GPR63: variants seen among roughly 807,000 people sequenced by gnomAD.
GPR63 encodes the protein G protein-coupled receptor 63, also known as probable G protein-coupled receptor 63.
Under a neutral mutation model 23.1 loss-of-function variants are expected in GPR63, and 12 were observed. The ratio of observed to expected loss-of-function variants is 0.52; its 90% confidence interval spans 0.33 to 0.84. The LOEUF (loss-of-function observed/expected upper bound fraction) is 0.84, where lower values mean the gene tolerates loss of function less well. Ranked by LOEUF, GPR63 falls within the 40% of genes least tolerant of loss-of-function variation. The probability of loss-of-function intolerance (pLI) is 0.02; values close to 1 mark genes in which losing one functional copy is unlikely to be tolerated. For missense variants in GPR63, 472 were observed against 515.6 expected (o/e 0.92, Z 0.82); for synonymous variants, 172 against 191.1 (o/e 0.90, Z 0.82).
intron 1 of GPR63, among the ~76,000 whole-genome samples, chr6:96,833,635 G>T (rs576802875): frequency 4.6e-4 from 70 of 152,236 alleles, no homozygotes; most frequent in South Asian, 1.2e-3. Context: ...AACATAGACT[G>T]AGCTAAGTCA....
rs531379810 is a variant in GPR63, at chr6:96,830,117, G to A, written c.-151+7151C>T. Among the ~76,000 whole-genome samples the A allele has an allele frequency of 1.2e-4, 18 of 152,262 alleles. 1 individual carries two copies. Among genetic ancestry groups the A allele is most frequent in the Admixed American group, 7.8e-4 (12 of 15,292 alleles). On this transcript the variant is annotated intron_variant, in intron 1 of 1. Transcript: ENST00000229955. ...GGCCAAAAATAACCACACAAAGAGG[G>A]TTGATAAAGCAAGAGTTGCCTCCAT...
At chr6:96,833,465 T>C (rs1041161872) in intron 1 of GPR63, among the ~76,000 whole-genome samples, 1 of 152,228 alleles carries the variant, frequency 6.6e-6, no homozygotes, top group African/African-American at 2.4e-5. Flanking sequence ...TTTTGTTTTA[T>C]ATTGTATAAA....
chr6:96,819,201 T>C (rs1774236210), intron 1 of GPR63, among the ~76,000 whole-genome samples: 1 of 152,208 alleles, frequency 6.6e-6, no homozygotes, highest in Admixed American at 6.5e-5. Context: ...ATTATTCTGC[T>C]ATAAAGACAC....
At chr6:96,814,277 G>A (rs901475888) in intron 1 of GPR63, among the ~76,000 whole-genome samples, 8 of 152,082 alleles carry the variant, frequency 5.3e-5, no homozygotes, top group Non-Finnish European at 1.0e-4. Context: ...GTAGAGCGAG[G>A]ATTGGAACTC....
chr6:96,831,383 C>T (rs1272390162), intron 1 of GPR63, among the ~76,000 whole-genome samples: 2 of 150,898 alleles, frequency 1.3e-5, no homozygotes, highest in Non-Finnish European at 2.9e-5. Context: ...ACTAGACAAT[C>T]AGGTCTGGGT....
rs192469876 is a variant in GPR63, at chr6:96,798,233, A to C, written c.*239T>G. 1.1e-4 allele frequency: 46 copies of C among 435,274 alleles called. No individual in the cohort carries two copies. The highest frequency in any genetic ancestry group is 8.3e-4 in the African/African-American group (42 of 50,764). The allele number at this position is 435,274 out of a possible 1,614,324, so 27.0% of individuals were successfully genotyped here. A position where few individuals can be genotyped will look rare whatever the true frequency, so the allele number is the denominator to read the frequency against. On this transcript the variant is annotated 3_prime_UTR_variant, in exon 2 of 2. Coordinates refer to ENST00000229955, the MANE Select transcript of GPR63 (RefSeq NM_030784.4). ...ATCAAGGAAAAACCCCAAAACCAAA[A>C]AAAAGTCTCCTCACCCTAAATTGAG... is the stretch of plus-strand genomic sequence containing the variant.
In GPR63 at chr6:96,798,988, G is replaced by C. The variant is rs763452682; in HGVS notation, c.744C>G (p.Leu248=). The C allele has an allele frequency of 2.5e-6, 4 of 1,614,166 alleles. No homozygotes were observed. In the South Asian group the frequency reaches 4.4e-5, roughly 18 times the overall value. ...CCAGGAAGGGTATGAAGAAAGAAATGAGAGAAATCAAAATCACATAAGCCT... is the reference window on the plus strand; with the variant it reads ...CCAGGAAGGGTATGAAGAAAGAAATCAGAGAAATCAAAATCACATAAGCCT... ...GYQAYVILIS[L]ISFFIPFLVI... The change falls in exon 2 of 2, where the codon CTC becomes CTG. Residue 248 remains leucine, a synonymous_variant. Transcript: ENST00000229955.
intron 1 of GPR63, among the ~76,000 whole-genome samples, chr6:96,800,927 C>T (rs1773746694): frequency 6.6e-6 from 1 of 152,200 alleles, no homozygotes; most frequent in Non-Finnish European, 1.5e-5. Flanking sequence ...TTTCTTATCA[C>T]CTTTCTCTTA....
In GPR63 at chr6:96,837,445, C is replaced by CGGCGGCGATAG. The variant is rs1562130487; in HGVS notation, c.-329_-328insCTATCGCCGCC. 4 of 153,866 alleles carry CGGCGGCGATAG rather than the reference C, an allele frequency of 2.6e-5. No individual in the cohort carries two copies. Among genetic ancestry groups the CGGCGGCGATAG allele is most frequent in the Non-Finnish European group, 4.3e-5 (3 of 69,034 alleles). The allele number at this position is 153,866 out of a possible 1,614,324, so 9.5% of individuals were successfully genotyped here. Reference sequence around the variant, plus strand: ...GGAGGTGGTGGCGGCGGCGGCGATACAGGCGGCGGTGGCGGGAGCTGGAGC... The same window carrying CGGCGGCGATAG: ...GGAGGTGGTGGCGGCGGCGGCGATACGGCGGCGATAGAGGCGGCGGTGGCGGGAGCTGGAGC... On this transcript the variant is annotated 5_prime_UTR_variant, in exon 1 of 2. Coordinates refer to ENST00000229955, the MANE Select transcript of GPR63 (RefSeq NM_030784.4).
Position 96,796,854 on chromosome 6 carries a change from A to C in GPR63, c.*1618T>G, listed in dbSNP as rs1773592128. The C allele has an allele frequency of 6.6e-6, 1 of 152,254 alleles. No individual in the cohort carries two copies. The highest frequency in any genetic ancestry group is 2.1e-4 in the South Asian group (1 of 4,838). The allele number at this position is 152,254 out of a possible 1,614,324, so 9.4% of individuals were successfully genotyped here. A position where few individuals can be genotyped will look rare whatever the true frequency, so the allele number is the denominator to read the frequency against. On this transcript the variant is annotated 3_prime_UTR_variant, in exon 2 of 2. Coordinates refer to ENST00000229955, the MANE Select transcript of GPR63 (RefSeq NM_030784.4). ...TTGTTTTGCAAATCAAAAACAAAAA[A>C]AAAAATCACTGGTTTTGCTTCACAG...
rs757641733 is a variant in GPR63, at chr6:96,795,637, G to A, written c.*2835C>T. On this transcript the variant is annotated 3_prime_UTR_variant, in exon 2 of 2. Transcript: ENST00000229955. ...AGGCACTCCAGAGCTCTCACCAAAT[G>A]AGGCACTGCCTATTAAGCAGCATGA... 1.2e-4 allele frequency: 18 copies of A among 152,086 alleles called. No individual in the cohort carries two copies. Among genetic ancestry groups the A allele is most frequent in the Non-Finnish European group, 1.9e-4 (13 of 68,026 alleles). The allele number at this position is 152,086 out of a possible 1,614,324, so 9.4% of individuals were successfully genotyped here.
intron 1 of GPR63, among the ~76,000 whole-genome samples, chr6:96,836,133 G>A (rs1774721642): frequency 6.6e-6 from 1 of 152,104 alleles, no homozygotes; most frequent in African/African-American, 2.4e-5. Context: ...ATAGAGGTGT[G>A]GCAGAGACCT....
chr6:96,832,432 C>CTT (rs35248428), intron 1 of GPR63, among the ~76,000 whole-genome samples: 40,349 of 144,586 alleles, frequency 0.28, 5,663 homozygotes, highest in South Asian at 0.31. Flanking sequence ...ACCTGACTAA[C>CTT]TTTTTTTTTT....
chr6:96,798,229 CA>C lies in GPR63; in HGVS notation c.*242del, dbSNP rs1274457071. The C allele has an allele frequency of 4.2e-4, 173 of 416,292 alleles. No homozygotes were observed. The highest frequency in any genetic ancestry group is 7.3e-4 in the South Asian group (14 of 19,052). 25.8% of individuals were successfully genotyped at this position (416,292 alleles called of 1,614,324 possible). A position where few individuals can be genotyped will look rare whatever the true frequency, so the allele number is the denominator to read the frequency against. On this transcript the variant is annotated 3_prime_UTR_variant, in exon 2 of 2. Coordinates refer to ENST00000229955, the MANE Select transcript of GPR63 (RefSeq NM_030784.4). ...ATCAATCAAGGAAAAACCCCAAAAC[CA>C]AAAAAAAGTCTCCTCACCCTAAATT... is the stretch of plus-strand genomic sequence containing the variant.
chr6:96,832,166 T>C (rs1400687581), intron 1 of GPR63, among the ~76,000 whole-genome samples: 1 of 152,104 alleles, frequency 6.6e-6, no homozygotes, highest in Non-Finnish European at 1.5e-5. Context: ...TTTCTATATG[T>C]ATATAAAAAT....
At chr6:96,835,865 C>T (rs1774713864) in intron 1 of GPR63, among the ~76,000 whole-genome samples, 2 of 152,204 alleles carry the variant, frequency 1.3e-5, no homozygotes, top group Admixed American at 1.3e-4. Flanking sequence ...CCTACACTAT[C>T]CCGTCTGCCT....
At chr6:96,806,904 G>A (rs1773910190) in intron 1 of GPR63, among the ~76,000 whole-genome samples, 2 of 152,160 alleles carry the variant, frequency 1.3e-5, no homozygotes, top group African/African-American at 4.8e-5. Context: ...GATTTATTGT[G>A]CAGATGGTTC....
chr6:96,814,341 A>G (rs573382537), intron 1 of GPR63, among the ~76,000 whole-genome samples: 1 of 152,122 alleles, frequency 6.6e-6, no homozygotes, highest in Non-Finnish European at 1.5e-5. Flanking sequence ...GCAGAAAAAA[A>G]GCCTTATCCC....
intron 1 of GPR63, among the ~76,000 whole-genome samples, chr6:96,829,490 CA>C (rs1262518969): frequency 6.6e-6 from 1 of 152,082 alleles, no homozygotes; most frequent in East Asian, 1.9e-4. Flanking sequence ...CCCATGAGTT[CA>C]AGACCAGCCT....
Sources: allele counts gnomAD v4.1 joint callset (sites outside exome capture counted in the v4.1 genomes callset), GRCh38; gene constraint gnomAD v4.1.1; transcripts MANE v1.5; gene names NCBI Gene and HGNC (gene_info 2026-07-23, HGNC 2026-07-21).